Variants in GRIK2 observed in about 807,000 individuals in gnomAD.
GRIK2 encodes the protein glutamate ionotropic receptor kainate type subunit 2.
In GRIK2, 32 loss-of-function variants were observed where a neutral mutation model predicts 100.3. The ratio of observed to expected loss-of-function variants is 0.32; its 90% confidence interval spans 0.24 to 0.43. GRIK2 has a LOEUF of 0.43. Among genes scored for constraint, GRIK2 ranks in the 20% least tolerant of loss-of-function variants. The pLI, the probability that GRIK2 is intolerant of heterozygous loss-of-function variation, is 1.00. For synonymous variants in GRIK2, 417 were observed against 389.4 expected, an observed-to-expected ratio of 1.07 and a Z score of -0.83; for missense variants, 843 against 1,114.9, an observed-to-expected ratio of 0.76 and a Z score of 3.47.
intron 16 of GRIK2, among the ~76,000 whole-genome samples, chr6:102,057,836 C>CTAT (rs1771539171): frequency 1.3e-5 from 2 of 151,876 alleles, no homozygotes; most frequent in African/African-American, 4.8e-5. Flanking sequence ...TAAATCTTGT[C>CTAT]TATTATTTTA....
intron 14 of GRIK2, among the ~76,000 whole-genome samples, chr6:101,955,606 C>CTCTCTCTCTCTCTCTCTCTA (rs1791877226): frequency 8.1e-6 from 1 of 123,076 alleles, no homozygotes; most frequent in African/African-American, 2.7e-5. Flanking sequence ...CTCTCTCTCT[C>CTCTCTCTCTCTCTCTCTCTA]TCTCTCTCTC....
At chr6:101,533,336 C>T (rs760843069) in intron 2 of GRIK2, among the ~76,000 whole-genome samples, 1 of 151,428 alleles carries the variant, frequency 6.6e-6, no homozygotes, top group Non-Finnish European at 1.5e-5. Flanking sequence ...AGGGGTAATA[C>T]AAGTGTACAA....
intron 2 of GRIK2, among the ~76,000 whole-genome samples, chr6:101,521,010 C>T (rs965989817): frequency 3.9e-5 from 6 of 151,932 alleles, no homozygotes; most frequent in African/African-American, 1.2e-4. Context: ...ATTAGTTGGT[C>T]GAGCAAAAGA....
intron 2 of GRIK2, among the ~76,000 whole-genome samples, chr6:101,402,946 A>G (rs1775402501): frequency 6.6e-6 from 1 of 152,160 alleles, no homozygotes; most frequent in Non-Finnish European, 1.5e-5. Flanking sequence ...TCTAAGCTGA[A>G]CTGCGGCGGC....
At chr6:101,840,002 G>T (rs1206909144) in intron 10 of GRIK2, among the ~76,000 whole-genome samples, 2 of 152,044 alleles carry the variant, frequency 1.3e-5, no homozygotes, top group Admixed American at 1.3e-4. Context: ...TAAGATGATG[G>T]TTGGTCTCAT....
At chr6:101,661,414 G>T (rs866234146) in intron 4 of GRIK2, among the ~76,000 whole-genome samples, 1 of 152,134 alleles carries the variant, frequency 6.6e-6, no homozygotes, top group African/African-American at 2.4e-5. Flanking sequence ...GCTGGGCTCG[G>T]TGGGGGTGAG....
intron 14 of GRIK2, among the ~76,000 whole-genome samples, chr6:101,940,924 ATAAACT>A (rs1351079494): frequency 6.6e-6 from 1 of 152,132 alleles, no homozygotes; most frequent in Non-Finnish European, 1.5e-5. Context: ...CATTTTTGCA[ATAAACT>A]TAAACATATA....
chr6:101,500,362 GAT>G (rs1773682050), intron 2 of GRIK2, among the ~76,000 whole-genome samples: 1 of 152,028 alleles, frequency 6.6e-6, no homozygotes, highest in Non-Finnish European at 1.5e-5. Flanking sequence ...ATGTGAATAA[GAT>G]ATTTTTTTAA....
chr6:101,642,688 C>T (rs762025395), intron 4 of GRIK2, among the ~76,000 whole-genome samples: 3 of 151,632 alleles, frequency 2.0e-5, no homozygotes, highest in Admixed American at 6.6e-5. Flanking sequence ...AATAATGCTG[C>T]TATGGACATG....
At chr6:101,954,130 AT>A (rs1293090539) in intron 14 of GRIK2, among the ~76,000 whole-genome samples, 11 of 152,148 alleles carry the variant, frequency 7.2e-5, no homozygotes, top group Non-Finnish European at 1.5e-4. Flanking sequence ...CCATATCTAC[AT>A]ACCACATGGT....
intron 2 of GRIK2, among the ~76,000 whole-genome samples, chr6:101,448,919 A>G (rs1455268341): frequency 6.6e-6 from 1 of 151,620 alleles, no homozygotes; most frequent in Non-Finnish European, 1.5e-5. Flanking sequence ...TCCATTTAGT[A>G]ATGAAAAGAA....
intron 2 of GRIK2, among the ~76,000 whole-genome samples, chr6:101,514,214 T>C (rs973929354): frequency 6.6e-6 from 1 of 151,898 alleles, no homozygotes; most frequent in African/African-American, 2.4e-5. Flanking sequence ...ACTTTGATTC[T>C]TATATCATAC....
At chr6:101,972,026 T>C (rs1264155594) in intron 14 of GRIK2, among the ~76,000 whole-genome samples, 2 of 152,064 alleles carry the variant, frequency 1.3e-5, no homozygotes, top group Non-Finnish European at 2.9e-5. Flanking sequence ...TTCTATGTCT[T>C]TGCTATTGTG....
At chr6:101,632,791 C>G (rs1210184381) in intron 4 of GRIK2, among the ~76,000 whole-genome samples, 2 of 152,134 alleles carry the variant, frequency 1.3e-5, no homozygotes, top group East Asian at 3.9e-4. Context: ...GAGAGAATAA[C>G]ACTACACTCT....
At chr6:101,540,344 G>T (rs1775924231) in intron 2 of GRIK2, among the ~76,000 whole-genome samples, 2 of 151,720 alleles carry the variant, frequency 1.3e-5, no homozygotes, top group African/African-American at 4.8e-5. Context: ...TGGCACAATA[G>T]GGTGCCCATA....
intron 14 of GRIK2, among the ~76,000 whole-genome samples, chr6:102,001,003 A>C (rs1196493398): frequency 6.6e-6 from 1 of 150,978 alleles, no homozygotes. Context: ...TATTATTTCC[A>C]CTTCCAATAA....
At chr6:101,663,885 C>A (rs973641253) in intron 4 of GRIK2, among the ~76,000 whole-genome samples, 1 of 152,164 alleles carries the variant, frequency 6.6e-6, no homozygotes, top group Non-Finnish European at 1.5e-5. Context: ...CTAACTGCAA[C>A]TCTCTACTCC....
At chr6:102,025,158 T>C (rs1769626513) in intron 14 of GRIK2, among the ~76,000 whole-genome samples, 1 of 151,074 alleles carries the variant, frequency 6.6e-6, no homozygotes, top group South Asian at 2.1e-4. Context: ...TCCAGCATGA[T>C]AGGAATAATT....
chr6:101,729,787 A>G (rs1008564220), intron 7 of GRIK2, among the ~76,000 whole-genome samples: 2 of 151,868 alleles, frequency 1.3e-5, no homozygotes, highest in Non-Finnish European at 2.9e-5. Context: ...ATGTCCTGTT[A>G]TTTGTATTGT....
Sources: gnomAD v4.1 joint callset for allele counts (sites outside exome capture counted in the v4.1 genomes callset) on GRCh38, gnomAD v4.1.1 for gene constraint, MANE v1.5 for transcripts, NCBI Gene and HGNC (gene_info 2026-07-23, HGNC 2026-07-21) for gene names.